The following STARD6 variants were observed in gnomAD, a reference collection of about 807,000 sequenced individuals.
STARD6 encodes StAR related lipid transfer domain containing 6.
In STARD6, 21 loss-of-function variants were observed where a neutral mutation model predicts 22.3. The ratio of observed to expected loss-of-function variants is 0.94; its 90% confidence interval spans 0.67 to 1.35. The LOEUF is 1.35. Ranked by LOEUF, STARD6 falls within the 40% of genes most tolerant of loss-of-function variation. The pLI is 0.00. For missense variants in STARD6, 269 were observed against 266.9 expected (o/e 1.01, Z -0.05); for synonymous variants, 80 against 88.1 (o/e 0.91, Z 0.52).
Position 54,329,366 on chromosome 18 carries a change from C to G in STARD6, c.460G>C (p.Val154Leu). The stretch of plus-strand genomic sequence containing the variant: ...ACTTACTCTTCCATTGGTGAACATA[C>G]AAAGCCACAAGGATGGTTATAACCG... ...IRGYNHPCGFVCSPMEENPAY... is the reference protein window; with the variant it reads ...IRGYNHPCGFLCSPMEENPAY... The change falls in exon 7 of 8, where the codon GTA (valine) becomes CTA (leucine). Residue 154 changes from valine (V) to leucine (L), a missense_variant. Coordinates refer to ENST00000307844, the MANE Select transcript of STARD6 (RefSeq NM_139171.2). 1 of 1,596,960 alleles carries G rather than the reference C, an allele frequency of 6.3e-7. No homozygotes were observed. The highest frequency in any genetic ancestry group is 1.4e-5 in the African/African-American group (1 of 73,894).
Position 54,339,873 on chromosome 18 carries a change from G to A in STARD6, c.141-2622C>T, listed in dbSNP as rs576686528. 2.2e-4 allele frequency among the ~76,000 whole-genome samples: 34 copies of A among 152,090 alleles called. 1 individual carries two copies. In the South Asian group the frequency reaches 7.0e-3, roughly 32 times the overall value. ...CCCTTTCTTCTATTAACTGATTAAAGTCAATTTCCTAAAACAATATAACAT... is the reference window on the plus strand; with the variant it reads ...CCCTTTCTTCTATTAACTGATTAAAATCAATTTCCTAAAACAATATAACAT... On this transcript the variant is annotated intron_variant, in intron 4 of 7. Transcript: ENST00000307844.
At position 54,324,823 on chromosome 18, in the gene STARD6, T is replaced by C; in HGVS notation, c.532A>G (p.Lys178Glu). 2 of 1,604,794 alleles carry C rather than the reference T, an allele frequency of 1.2e-6. No individual in the cohort carries two copies. Among genetic ancestry groups the C allele is most frequent in the South Asian group, 1.1e-5 (1 of 89,352 alleles). The part of the protein sequence containing the change: ...VMFVQTEMRG[K>E]LSPSIIEKTM... ...TTTTCAATTATTGATGGGGACAATT[T>C]TCCTCTCATTTCTGTCTGGACAAAC... The change falls in exon 8 of 8, where the codon AAA (lysine) becomes GAA (glutamate). Residue 178 changes from lysine to glutamate, a missense_variant. Physicochemically the swap from Lys to Glu is moderately conservative, Grantham distance 56 (BLOSUM62 1). Coordinates refer to ENST00000307844, the MANE Select transcript of STARD6 (RefSeq NM_139171.2).
intron 5 of STARD6, among the ~76,000 whole-genome samples, chr18:54,332,721 C>T (rs1033207560): frequency 1.3e-5 from 2 of 152,092 alleles, no homozygotes; most frequent in African/African-American, 4.8e-5. Context: ...TCTCCCTCAC[C>T]AGTAGGTTGA....
Position 54,346,149 on chromosome 18 carries a change from A to G in STARD6, c.140+7905T>C, listed in dbSNP as rs538847774. On this transcript the variant is annotated intron_variant, in intron 4 of 7. Transcript: ENST00000307844. ...AAGACAACCTACAGAATGGGAGAAA[A>G]TAGTCGCAAATCATATATGTGATAC... is the stretch of plus-strand genomic sequence containing the variant. Among the ~76,000 whole-genome samples the G allele has an allele frequency of 3.9e-5, 6 of 152,260 alleles. No individual in the cohort carries two copies. The East Asian group carries it at 1.2e-3, about 29-fold the overall frequency.
chr18:54,341,339 G>A (rs1011672995), intron 4 of STARD6, among the ~76,000 whole-genome samples: 2 of 152,140 alleles, frequency 1.3e-5, no homozygotes, highest in African/African-American at 4.8e-5. Flanking sequence ...GATTACAGGC[G>A]TGAGCCACCG....
At chr18:54,342,558 C>G (rs1461925485) in intron 4 of STARD6, among the ~76,000 whole-genome samples, 1 of 138,600 alleles carries the variant, frequency 7.2e-6, no homozygotes, top group Non-Finnish European at 1.6e-5. Flanking sequence ...TCTCGGCTCA[C>G]TGCAACCTCC....
At chr18:54,327,924 G>T (rs1443038698) in intron 7 of STARD6, among the ~76,000 whole-genome samples, 1 of 151,520 alleles carries the variant, frequency 6.6e-6, no homozygotes, top group Admixed American at 6.6e-5. Flanking sequence ...CCAGAAATAA[G>T]AAAAATTCAT....
intron 1 of STARD6, among the ~76,000 whole-genome samples, chr18:54,357,444 A>G (rs1031666557): frequency 8.5e-5 from 13 of 152,098 alleles, no homozygotes; most frequent in African/African-American, 3.1e-4. Context: ...AAGGCACTGA[A>G]GAGGGAGTGA....
intron 6 of STARD6, among the ~76,000 whole-genome samples, chr18:54,329,865 T>A (rs1223944857): frequency 6.6e-6 from 1 of 151,348 alleles, no homozygotes; most frequent in Admixed American, 6.6e-5. Context: ...TAGATTTTTG[T>A]GTTAATCATG....
At chr18:54,339,574 C>T (rs1005545117) in intron 4 of STARD6, among the ~76,000 whole-genome samples, 2 of 151,028 alleles carry the variant, frequency 1.3e-5, no homozygotes, top group Non-Finnish European at 2.9e-5. Context: ...AAGTAAATGA[C>T]GTTTGAAGAG....
chr18:54,356,686 T>C (rs955793148), intron 1 of STARD6, among the ~76,000 whole-genome samples: 1 of 152,210 alleles, frequency 6.6e-6, no homozygotes, highest in Admixed American at 6.5e-5. Context: ...AAAAGACACT[T>C]AGGTGGAACG....
chr18:54,357,844 C>G lies in STARD6; in HGVS notation c.-141G>C, dbSNP rs532744218. On this transcript the variant is annotated 5_prime_UTR_variant, in exon 1 of 8. Coordinates refer to ENST00000307844, the MANE Select transcript of STARD6 (RefSeq NM_139171.2). ...TCAACAGCATCCTCTCTTCTCCGGCCGCTCCCTCATCTCCGCTCGCGCCCG... is the reference window on the plus strand; with the variant it reads ...TCAACAGCATCCTCTCTTCTCCGGCGGCTCCCTCATCTCCGCTCGCGCCCG... 6.6e-5 allele frequency: 10 copies of G among 152,492 alleles called. No homozygotes were observed. Among genetic ancestry groups the G allele is most frequent in the Admixed American group, 5.2e-4 (8 of 15,308 alleles). 9.4% of individuals were successfully genotyped at this position (152,492 alleles called of 1,614,324 possible). A position where few individuals can be genotyped will look rare whatever the true frequency, so the allele number is the denominator to read the frequency against.
intron 5 of STARD6, 93 bp from the exon 6 acceptor site, chr18:54,331,952 C>T (rs2088869760): frequency 2.1e-5 from 17 of 820,842 alleles, no homozygotes; most frequent in Non-Finnish European, 3.0e-5. Context: ...TATGATTGGC[C>T]TCTATTTGGA....
intron 7 of STARD6, among the ~76,000 whole-genome samples, chr18:54,327,356 C>G (rs1156495765): frequency 1.3e-5 from 2 of 151,980 alleles, no homozygotes; most frequent in Middle Eastern, 3.2e-3. Context: ...ACTTTAAACA[C>G]ATGTCATTTT....
Position 54,327,843 on chromosome 18 carries a change from G to A in STARD6, c.479+1504C>T, listed in dbSNP as rs192599014. Among the ~76,000 whole-genome samples, 673 of 151,968 alleles carry A rather than the reference G, an allele frequency of 4.4e-3. 3 individuals are homozygous for A. The highest frequency in any genetic ancestry group is 0.012 in the South Asian group (59 of 4,796). ...TTACAGTGCCTCAAATGGCTACACC[G>A]AGAACAGAGTAGTTCCCTCTTATAC... On this transcript the variant is annotated intron_variant, in intron 7 of 7. Transcript: ENST00000307844.
At chr18:54,354,616 C>T (rs1370363) in intron 2 of STARD6, 39 bp from the exon 3 acceptor site, 1,012,005 of 1,441,610 alleles carry the variant, frequency 0.7, 359,081 homozygotes, top group African/African-American at 0.93. Flanking sequence ...AAGAATATAA[C>T]CATATAAAAA....
chr18:54,353,038 T>C (rs1195390264), intron 4 of STARD6, among the ~76,000 whole-genome samples: 4 of 152,184 alleles, frequency 2.6e-5, no homozygotes, highest in Non-Finnish European at 5.9e-5. Context: ...ATTATTTTCC[T>C]GATCATTGTT....
intron 4 of STARD6, among the ~76,000 whole-genome samples, chr18:54,342,458 CCTCTCCCTCCCTCTCCG>C: frequency 7.0e-6 from 1 of 142,946 alleles, no homozygotes; most frequent in African/African-American, 2.8e-5. Context: ...TCTCCCTCTC[CCTCTCCCTCCCTCTCCG>C]TCTCCGTCTC....
intron 5 of STARD6, among the ~76,000 whole-genome samples, chr18:54,335,040 GA>G (rs1193132741): frequency 1.3e-5 from 2 of 152,078 alleles, no homozygotes; most frequent in Non-Finnish European, 2.9e-5. Context: ...GAAGAGTATG[GA>G]ACAAAGTCAG....
Sources: allele counts gnomAD v4.1 joint callset (sites outside exome capture counted in the v4.1 genomes callset), GRCh38; gene constraint gnomAD v4.1.1; transcripts MANE v1.5; gene names NCBI Gene and HGNC (gene_info 2026-07-23, HGNC 2026-07-21).